CREM: variants seen among roughly 807,000 people sequenced by gnomAD.
CREM encodes cAMP responsive element modulator, also known as cAMP-responsive element modulator.
CREM carries 13 observed loss-of-function variants against 37.3 expected under a neutral mutation model. The ratio of observed to expected loss-of-function variants is 0.35; its 90% confidence interval spans 0.23 to 0.55. The LOEUF is 0.55. CREM is among the 20% of genes least tolerant of loss of function. The pLI, the probability that CREM is intolerant of heterozygous loss-of-function variation, is 0.88. For missense variants in CREM, 296 were observed against 362.3 expected (o/e 0.82, Z 1.49); for synonymous variants, 124 against 120.2 (o/e 1.03, Z -0.21).
At chr10:35,196,199 C>A in intron 6 of CREM, 2 of 1,204,930 alleles carry the variant, frequency 1.7e-6, no homozygotes, top group Non-Finnish European at 2.4e-6. Context: ...TTACTCCATC[C>A]TCTTACTCCA....
intron 1 of CREM, among the ~76,000 whole-genome samples, chr10:35,131,990 C>T (rs1384022135): frequency 6.6e-6 from 1 of 151,934 alleles, no homozygotes; most frequent in African/African-American, 2.4e-5. Context: ...CCGAGGCGGG[C>T]AAATCAGGAG....
Position 35,188,299 on chromosome 10 carries a change from C to T in CREM, c.509C>T (p.Pro170Leu). 6.2e-7 allele frequency: 1 copy of T among 1,614,158 alleles called. No homozygotes were observed. Among genetic ancestry groups the T allele is most frequent in the Non-Finnish European group, 8.5e-7 (1 of 1,180,016 alleles). ...ALTMTNSGAPPPGATIVQYAA... is the reference protein window; with the variant it reads ...ALTMTNSGAPLPGATIVQYAA... Reference sequence around the variant, plus strand: ...ACAATGACAAATTCAGGAGCTCCTCCACCAGGTGCTACAATTGTACAGTAC... The same window carrying T: ...ACAATGACAAATTCAGGAGCTCCTCTACCAGGTGCTACAATTGTACAGTAC... Residue 170 changes from proline to leucine, a missense_variant, in exon 6 of 8, where the codon CCA becomes CTA. Coordinates refer to ENST00000685392, the MANE Select transcript of CREM (RefSeq NM_183011.2).
chr10:35,170,279 A>G (rs973427724), intron 3 of CREM, among the ~76,000 whole-genome samples: 1 of 151,868 alleles, frequency 6.6e-6, no homozygotes, highest in African/African-American at 2.4e-5. Flanking sequence ...AAGCTTTTTG[A>G]TGTGCTGCTG....
At chr10:35,132,907 T>C (rs575990992) in intron 1 of CREM, among the ~76,000 whole-genome samples, 39 of 152,370 alleles carry the variant, frequency 2.6e-4, no homozygotes, top group African/African-American at 8.7e-4. Context: ...TTTCAAACTT[T>C]ATTGCTCTTG....
At chr10:35,173,479 A>G (rs1158641111) in intron 3 of CREM, among the ~76,000 whole-genome samples, 1 of 151,858 alleles carries the variant, frequency 6.6e-6, no homozygotes, top group Non-Finnish European at 1.5e-5. Flanking sequence ...AAACAGTGCT[A>G]CTCTTCTGAT....
chr10:35,148,303 C>G, intron 2 of CREM, 65 bp from the exon 3 acceptor site: 1 of 1,488,836 alleles, frequency 6.7e-7, no homozygotes, highest in Non-Finnish European at 9.0e-7. Flanking sequence ...TAGGGATGTT[C>G]AACCTGTATT....
chr10:35,137,748 G>A (rs978245818), intron 1 of CREM, 34 bp from the exon 2 acceptor site: 19 of 942,330 alleles, frequency 2.0e-5, no homozygotes, highest in East Asian at 6.1e-5. Flanking sequence ...GAAATGTTAC[G>A]ATCTCCCAAT....
At chr10:35,201,651 A>AT (rs2095388552) in intron 6 of CREM, among the ~76,000 whole-genome samples, 1 of 152,190 alleles carries the variant, frequency 6.6e-6, no homozygotes, top group African/African-American at 2.4e-5. Context: ...TAAAAAAAAA[A>AT]AAATGCTTTC....
intron 3 of CREM, among the ~76,000 whole-genome samples, chr10:35,161,884 A>G (rs1362246425): frequency 6.6e-6 from 1 of 152,216 alleles, no homozygotes; most frequent in African/African-American, 2.4e-5. Flanking sequence ...CAGATATGAA[A>G]AATAGAAGTA....
chr10:35,159,615 A>C (rs879818337), intron 3 of CREM, among the ~76,000 whole-genome samples: 3 of 152,216 alleles, frequency 2.0e-5, no homozygotes, highest in Non-Finnish European at 2.9e-5. Flanking sequence ...AAACTATGAA[A>C]CTACTACAAG....
chr10:35,208,433 A>C (rs1227760117), intron 7 of CREM, among the ~76,000 whole-genome samples: 1 of 152,226 alleles, frequency 6.6e-6, no homozygotes, highest in Non-Finnish European at 1.5e-5. Flanking sequence ...TTATTGGTTT[A>C]GTTTTTATTA....
chr10:35,210,623 A>G (rs1038091537), intron 7 of CREM: 2 of 152,128 alleles, frequency 1.3e-5, no homozygotes, highest in Non-Finnish European at 1.5e-5. Context: ...TGTATTTTGT[A>G]GCCCCCTTCT....
chr10:35,183,374 A>G (rs1266259682), intron 5 of CREM, among the ~76,000 whole-genome samples: 6 of 152,238 alleles, frequency 3.9e-5, no homozygotes, highest in Non-Finnish European at 8.8e-5. Context: ...TAATAGGCTT[A>G]CACATTCGAA....
chr10:35,159,471 A>G (rs983214475), intron 3 of CREM, among the ~76,000 whole-genome samples: 5 of 152,220 alleles, frequency 3.3e-5, no homozygotes, highest in Admixed American at 6.5e-5. Context: ...AGGACCACAC[A>G]ATGGGGAAAG....
chr10:35,167,884 A>G (rs1000261448), intron 3 of CREM: 10 of 1,253,586 alleles, frequency 8.0e-6, no homozygotes, highest in Admixed American at 1.9e-5. Context: ...ATATAAAATA[A>G]CATCCATTTT....
intron 6 of CREM, among the ~76,000 whole-genome samples, chr10:35,199,842 T>TA (rs1169962745): frequency 9.4e-5 from 14 of 148,968 alleles, no homozygotes; most frequent in Non-Finnish European, 1.9e-4. Context: ...TTATAAAACA[T>TA]ATAAAATGAG....
chr10:35,184,287 C>A (rs1043164505), intron 5 of CREM, among the ~76,000 whole-genome samples: 6 of 152,162 alleles, frequency 3.9e-5, no homozygotes, highest in African/African-American at 1.4e-4. Flanking sequence ...TGTCTAAATT[C>A]ATTCAGTTAA....
At chr10:35,186,891 AATT>A (rs2094583506) in intron 5 of CREM, among the ~76,000 whole-genome samples, 1 of 94,210 alleles carries the variant, frequency 1.1e-5, no homozygotes, top group African/African-American at 4.0e-5. Context: ...AAATATAAAT[AATT>A]ATAAAAATAT....
At chr10:35,204,489 A>G (rs1485477622) in intron 6 of CREM, among the ~76,000 whole-genome samples, 1 of 151,782 alleles carries the variant, frequency 6.6e-6, no homozygotes, top group Non-Finnish European at 1.5e-5. Context: ...AATCCCAGCT[A>G]CTCGGGAGGC....
Sources: gnomAD v4.1 joint callset for allele counts (sites outside exome capture counted in the v4.1 genomes callset) on GRCh38, gnomAD v4.1.1 for gene constraint, MANE v1.5 for transcripts, NCBI Gene and HGNC (gene_info 2026-07-23, HGNC 2026-07-21) for gene names.